ATRN: variants seen among roughly 807,000 people sequenced by gnomAD.
ATRN encodes attractin.
Under a neutral mutation model 178.7 loss-of-function variants are expected in ATRN, and 54 were observed. The ratio of observed to expected loss-of-function variants is 0.30; its 90% CI spans 0.24 to 0.38. The LOEUF (loss-of-function observed/expected upper bound fraction) is 0.38, where lower values mean the gene tolerates loss of function less well. Among genes scored for constraint, ATRN ranks in the 10% least tolerant of loss-of-function variants. ATRN has a pLI of 1.00. For synonymous variants in ATRN, 636 were observed against 663.0 expected, an observed-to-expected ratio of 0.96 and a Z score of 0.63; for missense variants, 1,443 against 1,815.1, an observed-to-expected ratio of 0.79 and a Z score of 3.73.
chr20:3,595,416 C>T (rs1276720493), intron 20 of ATRN, among the ~76,000 whole-genome samples: 3 of 152,108 alleles, frequency 2.0e-5, no homozygotes, highest in Admixed American at 6.5e-5. Context: ...ATAATGCCAC[C>T]AGTGATTGAG....
intron 1 of ATRN, among the ~76,000 whole-genome samples, chr20:3,529,093 C>T (rs1284541004): frequency 1.3e-5 from 2 of 152,124 alleles, no homozygotes; most frequent in Admixed American, 1.3e-4. Flanking sequence ...AGATTATAGA[C>T]ATAAGCCACT....
chr20:3,562,319 G>A lies in ATRN; in HGVS notation c.1491G>A (p.Val497=). The A allele has an allele frequency of 6.2e-7, 1 of 1,614,050 alleles. No individual in the cohort carries two copies. Among genetic ancestry groups the A allele is most frequent in the Non-Finnish European group, 8.5e-7 (1 of 1,179,958 alleles). Residue 497 remains valine (V), a synonymous_variant, in exon 9 of 29, where the codon GTG becomes GTA. Coordinates refer to ENST00000262919, the MANE Select transcript of ATRN (RefSeq NM_139321.3). ...TATTACACACCCAGGGTGCCCTTGT[G>A]CAAGGGGGTTACGGCCATAGCAGTG... The part of the protein sequence containing the change: ...WSILHTQGAL[V]QGGYGHSSVY...
chr20:3,557,179 C>A (rs1302679242), intron 6 of ATRN, among the ~76,000 whole-genome samples: 1 of 152,110 alleles, frequency 6.6e-6, no homozygotes, highest in African/African-American at 2.4e-5. Context: ...AAAACATATT[C>A]CTGGATGGAT....
chr20:3,596,639 TG>T (rs1398045870), intron 21 of ATRN, among the ~76,000 whole-genome samples: 1 of 152,230 alleles, frequency 6.6e-6, no homozygotes, highest in Non-Finnish European at 1.5e-5. Context: ...TTAACGTTAA[TG>T]TGTCCATAGC....
In ATRN at chr20:3,608,979, G is replaced by GAA. The variant is rs71195846; in HGVS notation, c.3801+4729_3801+4730dup. 8.1e-3 allele frequency among the ~76,000 whole-genome samples: 1,154 copies of GAA among 142,024 alleles called. 12 individuals are homozygous for GAA. Among genetic ancestry groups the GAA allele is most frequent in the African/African-American group, 0.023 (875 of 38,380 alleles). The allele number at this position is 142,024 out of a possible 152,430, so 93.2% of individuals were successfully genotyped here. A position where few individuals can be genotyped will look rare whatever the true frequency, so the allele number is the denominator to read the frequency against. Reference sequence around the variant, plus strand: ...CGAGACTCTGTCTCAAAAAAAAAAAGAAAAAAAAAAAAAGAAATGCTTTGG... The same window carrying GAA: ...CGAGACTCTGTCTCAAAAAAAAAAAGAAAAAAAAAAAAAAAGAAATGCTTTGG... On this transcript the variant is annotated intron_variant, in intron 24 of 28. Coordinates refer to ENST00000262919, the MANE Select transcript of ATRN (RefSeq NM_139321.3).
Position 3,485,610 on chromosome 20 carries a change from G to GTTTT in ATRN, c.410+14119_410+14122dup, listed in dbSNP as rs3084238. On this transcript the variant is annotated intron_variant, in intron 1 of 28. Coordinates refer to ENST00000262919, the MANE Select transcript of ATRN (RefSeq NM_139321.3). The stretch of plus-strand genomic sequence containing the variant: ...TGGTTTGCCAATACATTTTTTTGAG[G>GTTTT]TTTTTTTTTTTTTTTTTTTTTTTTT... Among the ~76,000 whole-genome samples, 36 of 67,920 alleles carry GTTTT rather than the reference G, an allele frequency of 5.3e-4. 3 individuals are homozygous for GTTTT. Among genetic ancestry groups the GTTTT allele is most frequent in the African/African-American group, 1.7e-3 (30 of 18,134 alleles). 44.6% of individuals were successfully genotyped at this position (67,920 alleles called of 152,430 possible). A position where few individuals can be genotyped will look rare whatever the true frequency, so the allele number is the denominator to read the frequency against.
chr20:3,499,756 T>G (rs1482026361), intron 1 of ATRN, among the ~76,000 whole-genome samples: 3 of 150,800 alleles, frequency 2.0e-5, no homozygotes, highest in Non-Finnish European at 4.4e-5. Flanking sequence ...GGCATTACCA[T>G]TCAGGACGTA....
At chr20:3,631,607 A>G (rs2086990237) in intron 25 of ATRN, among the ~76,000 whole-genome samples, 1 of 152,114 alleles carries the variant, frequency 6.6e-6, no homozygotes, top group African/African-American at 2.4e-5. Context: ...GGACTGGGGA[A>G]CTGGTGTTGT....
At chr20:3,570,919 G>A (rs1467135540) in intron 11 of ATRN, among the ~76,000 whole-genome samples, 1 of 152,158 alleles carries the variant, frequency 6.6e-6, no homozygotes, top group Non-Finnish European at 1.5e-5. Flanking sequence ...AGAAACTGTG[G>A]TGTTCTTCTT....
chr20:3,560,707 G>A lies in ATRN; in HGVS notation c.1249G>A (p.Val417Met), dbSNP rs760018195. 6.2e-7 allele frequency: 1 copy of A among 1,613,490 alleles called. No individual in the cohort carries two copies. Among genetic ancestry groups the A allele is most frequent in the Non-Finnish European group, 8.5e-7 (1 of 1,179,488 alleles). ...AGGAAAAATTGATTCAACTGGGAAT[G>A]TGACCAATGAGTTGAGAGTTTTTCA... is the stretch of plus-strand genomic sequence containing the variant. ...YGGKIDSTGN[V>M]TNELRVFHIH... Residue 417 changes from valine (V) to methionine (M), a missense_variant, in exon 8 of 29, where the codon GTG becomes ATG. By Grantham distance (21) the Val-to-Met change is conservative (BLOSUM62 1). This residue lies in a region of ATRN where 862 missense variants were observed against 972.1 expected (regional missense o/e 0.89). Coordinates refer to ENST00000262919, the MANE Select transcript of ATRN (RefSeq NM_139321.3).
rs763305313 is a variant in ATRN, at chr20:3,565,355, C to A, written c.1794C>A (p.Asp598Glu). The change falls in exon 11 of 29, where the codon GAC becomes GAA. Residue 598 changes from aspartate (D) to glutamate (E), a missense_variant. Asp to Glu is a conservative substitution (Grantham distance 45, BLOSUM62 2). Transcript: ENST00000262919. ...TATTTTTCTTTCTCCTAGCCTGTGACCGCTGGTCAGTGCTTCCCAGACCTG... is the reference window on the plus strand; with the variant it reads ...TATTTTTCTTTCTCCTAGCCTGTGAACGCTGGTCAGTGCTTCCCAGACCTG... ...SDFMAYDIAC[D>E]RWSVLPRPDL... 1 of 1,613,578 alleles carries A rather than the reference C, an allele frequency of 6.2e-7. No individual in the cohort carries two copies. Among genetic ancestry groups the A allele is most frequent in the Non-Finnish European group, 8.5e-7 (1 of 1,179,764 alleles).
At chr20:3,535,871 C>G (rs2085524824) in intron 2 of ATRN, among the ~76,000 whole-genome samples, 1 of 152,076 alleles carries the variant, frequency 6.6e-6, no homozygotes, top group African/African-American at 2.4e-5. Flanking sequence ...CTCAAGTGAT[C>G]CGCTCGCCTC....
intron 6 of ATRN, among the ~76,000 whole-genome samples, chr20:3,553,260 A>C (rs971109883): frequency 7.2e-5 from 11 of 152,148 alleles, no homozygotes; most frequent in African/African-American, 2.7e-4. Context: ...ATGTGATTTT[A>C]CCCTAACATC....
chr20:3,541,758 T>A (rs907085928), intron 3 of ATRN, among the ~76,000 whole-genome samples: 1 of 152,242 alleles, frequency 6.6e-6, no homozygotes, highest in African/African-American at 2.4e-5. Flanking sequence ...TAAAATGCAT[T>A]TCCCCTTAGG....
At chr20:3,588,981 G>GTTTTTTTTTTTTTTTTTTTTTTT (rs386393128) in intron 18 of ATRN, among the ~76,000 whole-genome samples, 1 of 99,792 alleles carries the variant, frequency 1.0e-5, no homozygotes, top group Non-Finnish European at 1.8e-5. Flanking sequence ...ATTTTCTTTT[G>GTTTTTTTTTTTTTTTTTTTTTTT]TTTTTTTTTT....
rs554917840 is a variant in ATRN, at chr20:3,650,817, G to A, written c.*3970G>A. On this transcript the variant is annotated 3_prime_UTR_variant, in exon 29 of 29. Transcript: ENST00000262919. ...TTGTTTTATAGTTATTTACGATTTC[G>A]TTTGTTTGGATTCAAGCTTAGTTTG... is the stretch of plus-strand genomic sequence containing the variant. 6 of 152,696 alleles carry A rather than the reference G, an allele frequency of 3.9e-5. No individual in the cohort carries two copies. The highest frequency in any genetic ancestry group is 4.1e-4 in the South Asian group (2 of 4,826). The allele number at this position is 152,696 out of a possible 1,614,324, so 9.5% of individuals were successfully genotyped here.
intron 24 of ATRN, 23 bp downstream of exon 24, chr20:3,604,285 A>G (rs746283144): frequency 6.4e-6 from 10 of 1,571,430 alleles, no homozygotes; most frequent in Non-Finnish European, 8.6e-6. Flanking sequence ...TTTTGGTCTC[A>G]TACCTGCAAA....
intron 1 of ATRN, chr20:3,490,781 AC>A: frequency 1.3e-6 from 1 of 791,160 alleles, no homozygotes; most frequent in Non-Finnish European, 2.3e-6. Context: ...CAGCAAACTC[AC>A]TGGGTCCTGA....
chr20:3,549,662 G>C (rs2085759572), intron 6 of ATRN, among the ~76,000 whole-genome samples: 4 of 152,098 alleles, frequency 2.6e-5, no homozygotes, highest in Admixed American at 2.6e-4. Flanking sequence ...AGGTCAAATG[G>C]TTTGAATTTA....
Sources: allele counts gnomAD v4.1 joint callset (sites outside exome capture counted in the v4.1 genomes callset), GRCh38; gene constraint gnomAD v4.1.1; regional missense constraint gnomAD v4.1.1; transcripts MANE v1.5; gene names NCBI Gene and HGNC (gene_info 2026-07-23, HGNC 2026-07-21).